SAMD4A: variants seen among roughly 807,000 people sequenced by gnomAD.
SAMD4A encodes the protein sterile alpha motif domain containing 4A.
SAMD4A carries 33 observed loss-of-function variants against 81.3 expected under a neutral mutation model. The observed-to-expected ratio is 0.41, with a 90% confidence interval of 0.31 to 0.54. The LOEUF (loss-of-function observed/expected upper bound fraction) is 0.54. Among genes scored for constraint, SAMD4A ranks in the 20% least tolerant of loss-of-function variants. The pLI is 0.37. For missense variants in SAMD4A, 854 were observed against 951.1 expected, an observed-to-expected ratio of 0.90 and a Z score of 1.34; for synonymous variants, 389 against 382.1, an observed-to-expected ratio of 1.02 and a Z score of -0.21.
chr14:54,630,071 T>C (rs2034857943), intron 2 of SAMD4A, among the ~76,000 whole-genome samples: 1 of 152,240 alleles, frequency 6.6e-6, no homozygotes, highest in South Asian at 2.1e-4. Flanking sequence ...GTTTACCCAC[T>C]CATCTATCAG....
chr14:54,776,308 G>A, intron 10 of SAMD4A, 106 bp from the exon 11 acceptor site: 2 of 1,234,444 alleles, frequency 1.6e-6, no homozygotes, highest in Non-Finnish European at 2.2e-6. Flanking sequence ...TTTTCTAGAA[G>A]TTAGAGTTCT....
intron 3 of SAMD4A, among the ~76,000 whole-genome samples, chr14:54,719,102 T>TTTGGCTCCAAA (rs1012597870): frequency 6.6e-5 from 10 of 152,242 alleles, no homozygotes; most frequent in African/African-American, 2.2e-4. Context: ...ACAGCCAGCT[T>TTTGGCTCCAAA]AGACTCAGCC....
chr14:54,639,812 A>ACACACAC (rs1458251170), intron 2 of SAMD4A, among the ~76,000 whole-genome samples: 1 of 151,482 alleles, frequency 6.6e-6, no homozygotes, highest in African/African-American at 2.4e-5. Flanking sequence ...ACACACACAC[A>ACACACAC]CACACACACA....
chr14:54,585,805 C>T (rs550973136), intron 2 of SAMD4A, among the ~76,000 whole-genome samples: 8 of 152,018 alleles, frequency 5.3e-5, no homozygotes, highest in East Asian at 1.9e-4. Context: ...TATTTCATGA[C>T]GTATATATCA....
intron 2 of SAMD4A, among the ~76,000 whole-genome samples, chr14:54,683,759 A>C (rs775194024): frequency 6.6e-6 from 1 of 152,160 alleles, no homozygotes; most frequent in Non-Finnish European, 1.5e-5. Context: ...CCAGGTGATG[A>C]AAGTCTAAAT....
At chr14:54,730,223 G>C (rs188018736) in intron 3 of SAMD4A, among the ~76,000 whole-genome samples, 43 of 152,334 alleles carry the variant, frequency 2.8e-4, no homozygotes, top group African/African-American at 1.0e-3. Context: ...GCCTCCCCAT[G>C]TGCTTTTCCC....
At chr14:54,618,518 A>C (rs996460845) in intron 2 of SAMD4A, among the ~76,000 whole-genome samples, 23 of 152,268 alleles carry the variant, frequency 1.5e-4, no homozygotes, top group African/African-American at 5.3e-4. Context: ...AACCATCTCC[A>C]TCTAAGCATT....
chr14:54,624,505 T>TGCTAGCGGGGAATTTCAGC (rs1369290873), intron 2 of SAMD4A, among the ~76,000 whole-genome samples: 1 of 152,236 alleles, frequency 6.6e-6, no homozygotes, highest in African/African-American at 2.4e-5. Flanking sequence ...GCTATTTCAA[T>TGCTAGCGGGGAATTTCAGC]GCTAGCGGGG....
chr14:54,766,277 A>G (rs1428563924), intron 8 of SAMD4A, among the ~76,000 whole-genome samples: 3 of 152,316 alleles, frequency 2.0e-5, no homozygotes, highest in Admixed American at 6.5e-5. Context: ...GAAAGCAAGA[A>G]CACAGTGAAG....
chr14:54,767,967 G>A (rs940575735), intron 8 of SAMD4A, among the ~76,000 whole-genome samples: 4 of 152,190 alleles, frequency 2.6e-5, no homozygotes, highest in East Asian at 1.9e-4. Flanking sequence ...CAGGGAATGC[G>A]CCGACCTCCC....
At chr14:54,763,250 C>T (rs924420949) in intron 7 of SAMD4A, among the ~76,000 whole-genome samples, 2 of 151,912 alleles carry the variant, frequency 1.3e-5, no homozygotes, top group South Asian at 4.2e-4. Flanking sequence ...CACGGTGGCT[C>T]ATGCCTGTAA....
At position 54,790,133 on chromosome 14, in the gene SAMD4A, G is replaced by A. The variant is rs2039234559; in HGVS notation, c.*1189G>A. 6.6e-6 allele frequency: 1 copy of A among 152,206 alleles called. No individual in the cohort carries two copies. The highest frequency in any genetic ancestry group is 1.5e-5 in the Non-Finnish European group (1 of 68,052). 9.4% of individuals were successfully genotyped at this position (152,206 alleles called of 1,614,324 possible). A position where few individuals can be genotyped will look rare whatever the true frequency, so the allele number is the denominator to read the frequency against. ...AAATGAGCTCAAAACCTTTACATTA[G>A]GGTTGCTTGTAGGAACTGGAGCCTG... On this transcript the variant is annotated 3_prime_UTR_variant, in exon 13 of 13. Transcript: ENST00000554335.
intron 11 of SAMD4A, 41 bp from the exon 12 acceptor site, chr14:54,784,496 A>G: frequency 6.2e-7 from 1 of 1,613,472 alleles, no homozygotes. Context: ...CACCCTGCTT[A>G]TCTCCTCCTT....
intron 3 of SAMD4A, among the ~76,000 whole-genome samples, chr14:54,728,875 C>T (rs2037490607): frequency 6.6e-6 from 1 of 152,172 alleles, no homozygotes; most frequent in South Asian, 2.1e-4. Context: ...TTTAGGCATC[C>T]TCTGATGATG....
At chr14:54,716,524 C>A (rs1412677353) in intron 3 of SAMD4A, among the ~76,000 whole-genome samples, 15 of 152,120 alleles carry the variant, frequency 9.9e-5, no homozygotes, top group African/African-American at 1.9e-4. Context: ...GTTGAAGCAA[C>A]CTTTTTTTAA....
At chr14:54,694,967 CCTGGTT>C in intron 2 of SAMD4A, 1 of 968,716 alleles carries the variant, frequency 1.0e-6, no homozygotes, top group Non-Finnish European at 1.2e-6. Flanking sequence ...GCAAGAGGTA[CCTGGTT>C]CTTGCCTTTT....
At chr14:54,591,533 T>G (rs1428761517) in intron 2 of SAMD4A, among the ~76,000 whole-genome samples, 1 of 150,920 alleles carries the variant, frequency 6.6e-6, no homozygotes, top group South Asian at 2.1e-4. Context: ...TTTTGTTTTT[T>G]TTTTTTTGTT....
chr14:54,764,857 C>G (rs2038494835), intron 8 of SAMD4A, among the ~76,000 whole-genome samples: 2 of 152,324 alleles, frequency 1.3e-5, no homozygotes, highest in Non-Finnish European at 2.9e-5. Flanking sequence ...CTGCTTAGCC[C>G]TGGGCATTGT....
chr14:54,611,271 A>G (rs1185457474), intron 2 of SAMD4A, among the ~76,000 whole-genome samples: 3 of 152,226 alleles, frequency 2.0e-5, no homozygotes, highest in Non-Finnish European at 4.4e-5. Flanking sequence ...AGCAATAACA[A>G]GAATGAGCAT....
Sources: gnomAD v4.1 joint callset for allele counts (sites outside exome capture counted in the v4.1 genomes callset) on GRCh38, gnomAD v4.1.1 for gene constraint, MANE v1.5 for transcripts, NCBI Gene and HGNC (gene_info 2026-07-23, HGNC 2026-07-21) for gene names.